MAP2: variants seen among roughly 807,000 people sequenced by gnomAD.
The protein encoded by MAP2 is microtubule associated protein 2.
MAP2 carries 14 observed loss-of-function variants against 137.6 expected under a neutral mutation model. The observed-to-expected ratio is 0.10, with a 90% CI of 0.07 to 0.16. The LOEUF (loss-of-function observed/expected upper bound fraction) is 0.16. Among genes scored for constraint, MAP2 ranks in the 10% least tolerant of loss-of-function variants. MAP2 has a pLI of 1.00. For missense variants in MAP2, 2,088 were observed against 2,191.5 expected (o/e 0.95, Z 0.94); for synonymous variants, 786 against 782.3 (o/e 1.00, Z -0.08).
At chr2:209,505,527 C>T (rs1212970742) in intron 1 of MAP2, among the ~76,000 whole-genome samples, 1 of 152,070 alleles carries the variant, frequency 6.6e-6, no homozygotes, top group African/African-American at 2.4e-5. Context: ...ATATCACAAA[C>T]AAAATCAAAA....
intron 12 of MAP2, among the ~76,000 whole-genome samples, chr2:209,708,616 C>T (rs1300450482): frequency 1.3e-5 from 2 of 152,160 alleles, no homozygotes; most frequent in Non-Finnish European, 2.9e-5. Context: ...TGATCAATTG[C>T]ATTAGGTGAC....
chr2:209,627,044 G>A (rs545044220), intron 4 of MAP2, among the ~76,000 whole-genome samples: 43 of 151,846 alleles, frequency 2.8e-4, no homozygotes, highest in Admixed American at 2.5e-3. Context: ...CTAATCTAAT[G>A]GGACTCATGA....
At chr2:209,457,488 G>C (rs13425141) in intron 1 of MAP2, among the ~76,000 whole-genome samples, 32,170 of 152,076 alleles carry the variant, frequency 0.21, 3,966 homozygotes, top group South Asian at 0.3. Flanking sequence ...ATTCAGTTTA[G>C]ATTTTTTGTG....
intron 2 of MAP2, among the ~76,000 whole-genome samples, chr2:209,546,815 A>G (rs2068167139): frequency 6.6e-6 from 1 of 152,246 alleles, no homozygotes; most frequent in South Asian, 2.1e-4. Context: ...TAGAAGAATT[A>G]AATAACTGTA....
intron 2 of MAP2, among the ~76,000 whole-genome samples, chr2:209,552,314 A>G (rs1326535796): frequency 4.6e-5 from 7 of 152,182 alleles, no homozygotes; most frequent in South Asian, 2.1e-4. Flanking sequence ...TGGAACTTTT[A>G]CATGTAACGA....
chr2:209,463,680 A>T (rs1282818402), intron 1 of MAP2, among the ~76,000 whole-genome samples: 2 of 152,206 alleles, frequency 1.3e-5, no homozygotes, highest in East Asian at 3.9e-4. Context: ...TCTAACCTAA[A>T]CTGCCCAGGA....
At chr2:209,503,365 G>T (rs372799445) in intron 1 of MAP2, among the ~76,000 whole-genome samples, 5 of 151,938 alleles carry the variant, frequency 3.3e-5, no homozygotes, top group African/African-American at 1.2e-4. Flanking sequence ...CCATTCTCTA[G>T]GTTACCTTTT....
chr2:209,732,042 C>A lies in MAP2; in HGVS notation c.*1645C>A, dbSNP rs1559694351. ...TCAATGGCCTGATTAAGGCAAAGAG[C>A]TACCAGGCTAGATGGACACTTTTTA... On this transcript the variant is annotated 3_prime_UTR_variant, in exon 16 of 16. Transcript: ENST00000682079. 2 of 152,228 alleles carry A rather than the reference C, an allele frequency of 1.3e-5. No individual in the cohort carries two copies. The highest frequency in any genetic ancestry group is 2.9e-5 in the Non-Finnish European group (2 of 68,046). The allele number at this position is 152,228 out of a possible 1,614,324, so 9.4% of individuals were successfully genotyped here.
chr2:209,598,409 A>T (rs985296101), intron 3 of MAP2, among the ~76,000 whole-genome samples: 1 of 151,266 alleles, frequency 6.6e-6, no homozygotes, highest in East Asian at 1.9e-4. Context: ...TTTTTTTAAA[A>T]TTTATTTATT....
chr2:209,575,071 G>A (rs1001417506), intron 2 of MAP2, among the ~76,000 whole-genome samples: 4 of 152,072 alleles, frequency 2.6e-5, no homozygotes, highest in Non-Finnish European at 4.4e-5. Flanking sequence ...ACCAAGAGAA[G>A]GCATGATTTA....
At chr2:209,490,637 C>CAAAAAAAAAAAAAAAA (rs2058984477) in intron 1 of MAP2, among the ~76,000 whole-genome samples, 1 of 57,372 alleles carries the variant, frequency 1.7e-5, no homozygotes, top group Non-Finnish European at 3.6e-5. Context: ...AAAAAAAAAG[C>CAAAAAAAAAAAAAAAA]AGGGATGGCA....
In MAP2 at chr2:209,705,730, A is replaced by G. The variant is rs879649679; in HGVS notation, c.4732+3A>G. ...TTCTTCAGCACGGCGGACCACCAGT[A>G]GGTTTATTTTGATTTGAATTCCTTT... On this transcript the variant is annotated splice_donor_region_variant and intron_variant, in intron 12 of 15. Transcript: ENST00000682079. 4 of 1,610,612 alleles carry G rather than the reference A, an allele frequency of 2.5e-6. No individual in the cohort carries two copies. In the African/African-American group the frequency reaches 5.3e-5, roughly 22 times the overall value.
At chr2:209,475,073 TC>T (rs1314732827) in intron 1 of MAP2, among the ~76,000 whole-genome samples, 2 of 152,126 alleles carry the variant, frequency 1.3e-5, no homozygotes, top group African/African-American at 2.4e-5. Context: ...CCATTTCTTG[TC>T]TTAATCCTGC....
chr2:209,704,513 G>A, intron 11 of MAP2: 1 of 1,612,722 alleles, frequency 6.2e-7, no homozygotes, highest in Non-Finnish European at 8.5e-7. Context: ...ATACAGCTCA[G>A]CCTGCCCTAG....
chr2:209,658,186 G>A (rs1582512888), intron 5 of MAP2, among the ~76,000 whole-genome samples: 1 of 152,156 alleles, frequency 6.6e-6, no homozygotes, highest in East Asian at 1.9e-4. Flanking sequence ...ATATTGAGTG[G>A]AAAATTATTT....
At chr2:209,538,257 A>T (rs1258420244) in intron 2 of MAP2, among the ~76,000 whole-genome samples, 2 of 152,236 alleles carry the variant, frequency 1.3e-5, no homozygotes, top group African/African-American at 2.4e-5. Context: ...TGAAAATAAT[A>T]TTTAGAGAAG....
intron 2 of MAP2, among the ~76,000 whole-genome samples, chr2:209,527,498 C>T (rs1355787387): frequency 6.6e-6 from 1 of 152,112 alleles, no homozygotes; most frequent in African/African-American, 2.4e-5. Context: ...GTGTACTCCG[C>T]CTCTCTTCTT....
chr2:209,461,759 C>G (rs116077955), intron 1 of MAP2, among the ~76,000 whole-genome samples: 1,703 of 152,192 alleles, frequency 0.011, 32 homozygotes, highest in African/African-American at 0.039. Flanking sequence ...TTAATAGATT[C>G]TTAATTAATT....
At chr2:209,526,500 T>A (rs968032303) in intron 2 of MAP2, among the ~76,000 whole-genome samples, 1 of 151,404 alleles carries the variant, frequency 6.6e-6, no homozygotes, top group Non-Finnish European at 1.5e-5. Flanking sequence ...TTCTTTATTT[T>A]TTTCTTTCTT....
Sources: gnomAD v4.1 joint callset for allele counts (sites outside exome capture counted in the v4.1 genomes callset) on GRCh38, gnomAD v4.1.1 for gene constraint, MANE v1.5 for transcripts, NCBI Gene and HGNC (gene_info 2026-07-23, HGNC 2026-07-21) for gene names.